Variants in PTPRG observed in about 807,000 individuals in gnomAD.
PTPRG encodes the protein protein tyrosine phosphatase receptor type G, also known as receptor-type tyrosine-protein phosphatase gamma.
PTPRG carries 102 observed loss-of-function variants against 165.3 expected under a neutral mutation model. That is an observed-to-expected ratio of 0.62 (90% confidence interval 0.53 to 0.73). The LOEUF (loss-of-function observed/expected upper bound fraction) is 0.73. Ranked by LOEUF, PTPRG falls within the 30% of genes least tolerant of loss-of-function variation. PTPRG has a pLI of 0.00. For synonymous variants in PTPRG, 675 were observed against 669.5 expected (o/e 1.01, Z -0.13); for missense variants, 1,866 against 1,861.4 (o/e 1.00, Z -0.05).
chr3:61,898,646 T>G (rs560657680), intron 2 of PTPRG, among the ~76,000 whole-genome samples: 1 of 152,290 alleles, frequency 6.6e-6, no homozygotes, highest in South Asian at 2.1e-4. Context: ...CTCTCCTCAT[T>G]GTATGATTTT....
intron 1 of PTPRG, among the ~76,000 whole-genome samples, chr3:61,671,394 G>A (rs1371570200): frequency 2.0e-5 from 3 of 151,886 alleles, no homozygotes; most frequent in South Asian, 2.1e-4. Context: ...ATCTTGCACC[G>A]CCCTTAATCC....
chr3:61,724,092 G>C (rs2032158592), intron 1 of PTPRG, among the ~76,000 whole-genome samples: 1 of 151,888 alleles, frequency 6.6e-6, no homozygotes, highest in Non-Finnish European at 1.5e-5. Flanking sequence ...ATTAGCCTGG[G>C]TGTGGCAGTT....
At chr3:62,235,693 G>A (rs1046328456) in intron 14 of PTPRG, among the ~76,000 whole-genome samples, 1 of 152,088 alleles carries the variant, frequency 6.6e-6, no homozygotes, top group Non-Finnish European at 1.5e-5. Context: ...TCAGATTTTT[G>A]TCACTTCTGA....
intron 2 of PTPRG, among the ~76,000 whole-genome samples, chr3:61,823,081 ATT>A (rs946136474): frequency 2.6e-5 from 4 of 152,130 alleles, no homozygotes; most frequent in African/African-American, 9.6e-5. Flanking sequence ...TGGGCTGAAT[ATT>A]TTTTACCATC....
At chr3:62,067,323 G>T (rs538581618) in intron 4 of PTPRG, among the ~76,000 whole-genome samples, 1 of 151,552 alleles carries the variant, frequency 6.6e-6, no homozygotes, top group East Asian at 2.0e-4. Context: ...CATGATGTGG[G>T]GCACTATTCT....
At chr3:61,575,420 T>G (rs1356766869) in intron 1 of PTPRG, among the ~76,000 whole-genome samples, 1 of 152,124 alleles carries the variant, frequency 6.6e-6, no homozygotes, top group African/African-American at 2.4e-5. Flanking sequence ...ATGCATTTTT[T>G]TGCAGGTACC....
At chr3:61,866,082 T>C (rs933980953) in intron 2 of PTPRG, among the ~76,000 whole-genome samples, 2 of 152,132 alleles carry the variant, frequency 1.3e-5, no homozygotes, top group African/African-American at 4.8e-5. Context: ...GTTTTATAAT[T>C]GAACCAGGGA....
intron 1 of PTPRG, among the ~76,000 whole-genome samples, chr3:61,666,664 T>C (rs1702820993): frequency 6.6e-6 from 1 of 152,210 alleles, no homozygotes; most frequent in South Asian, 2.1e-4. Context: ...TCAGCACTAT[T>C]GACATTTTGG....
At chr3:61,866,051 T>C (rs566431867) in intron 2 of PTPRG, among the ~76,000 whole-genome samples, 1 of 152,222 alleles carries the variant, frequency 6.6e-6, no homozygotes, top group East Asian at 1.9e-4. Flanking sequence ...GTGAGGATAC[T>C]GGGAAGGTTC....
At chr3:61,981,182 G>T (rs566510612) in intron 2 of PTPRG, among the ~76,000 whole-genome samples, 1 of 128,112 alleles carries the variant, frequency 7.8e-6, no homozygotes, top group Non-Finnish European at 1.7e-5. Context: ...GTCAGATCTC[G>T]TGAGAACTCA....
At chr3:61,615,905 A>G (rs564771639) in intron 1 of PTPRG, among the ~76,000 whole-genome samples, 9 of 152,166 alleles carry the variant, frequency 5.9e-5, no homozygotes, top group Non-Finnish European at 1.3e-4. Flanking sequence ...CTGAGGAGCC[A>G]AAGAGCTCTG....
In PTPRG at chr3:62,225,104, T is replaced by C. The variant is rs138893211; in HGVS notation, c.2288+6121T>C. 4.9e-3 allele frequency among the ~76,000 whole-genome samples: 751 copies of C among 152,248 alleles called. 4 individuals carry two copies. Among genetic ancestry groups the C allele is most frequent in the African/African-American group, 0.017 (712 of 41,532 alleles). On this transcript the variant is annotated intron_variant, in intron 13 of 29. Coordinates refer to ENST00000474889, the MANE Select transcript of PTPRG (RefSeq NM_002841.4). ...AGCTATTGGAAATAAGGGGAAAAAATCAATTCAAAAGTTTTCACAGTGTGC... is the reference window on the plus strand; with the variant it reads ...AGCTATTGGAAATAAGGGGAAAAAACCAATTCAAAAGTTTTCACAGTGTGC...
intron 1 of PTPRG, among the ~76,000 whole-genome samples, chr3:61,727,308 C>G (rs1375327311): frequency 6.6e-6 from 1 of 151,812 alleles, no homozygotes; most frequent in Non-Finnish European, 1.5e-5. Flanking sequence ...TGCTTGCCAC[C>G]ACACCCAGCT....
intron 1 of PTPRG, among the ~76,000 whole-genome samples, chr3:61,616,326 ATC>A (rs1429994524): frequency 5.3e-5 from 8 of 152,292 alleles, no homozygotes; most frequent in African/African-American, 1.7e-4. Flanking sequence ...TAGTGGACAA[ATC>A]TATGGGTTAA....
At chr3:62,282,542 A>C (rs570571909) in intron 27 of PTPRG, among the ~76,000 whole-genome samples, 185 bp from the exon 28 acceptor site, 1 of 144,632 alleles carries the variant, frequency 6.9e-6, no homozygotes, top group South Asian at 2.2e-4. Context: ...CTTTTTTTAA[A>C]AAACAAAAAA....
intron 1 of PTPRG, among the ~76,000 whole-genome samples, chr3:61,582,821 C>G (rs1416037367): frequency 1.3e-5 from 2 of 152,214 alleles, no homozygotes; most frequent in Admixed American, 1.3e-4. Flanking sequence ...TGTGTTAGCA[C>G]TTTGCTTCGG....
intron 2 of PTPRG, among the ~76,000 whole-genome samples, chr3:61,765,855 C>A (rs1297496449): frequency 1.3e-5 from 2 of 152,128 alleles, no homozygotes; most frequent in Non-Finnish European, 2.9e-5. Flanking sequence ...TTATGGTGGC[C>A]TGAATTTTCC....
chr3:62,002,638 T>G (rs192477985), intron 3 of PTPRG, among the ~76,000 whole-genome samples: 1 of 152,352 alleles, frequency 6.6e-6, no homozygotes. Flanking sequence ...AGGTTCCCTA[T>G]GTTGCGGATG....
At chr3:61,977,170 G>C (rs948641841) in intron 2 of PTPRG, among the ~76,000 whole-genome samples, 3 of 151,874 alleles carry the variant, frequency 2.0e-5, no homozygotes, top group South Asian at 2.1e-4. Context: ...AATGTAAAAA[G>C]AGTACAATAT....
Sources: gnomAD v4.1 joint callset for allele counts (sites outside exome capture counted in the v4.1 genomes callset) on GRCh38, gnomAD v4.1.1 for gene constraint, MANE v1.5 for transcripts, NCBI Gene and HGNC (gene_info 2026-07-23, HGNC 2026-07-21) for gene names.